The following UST variants were observed in gnomAD, a reference collection of about 807,000 sequenced individuals.
The protein encoded by UST is chondroitin sulfate 2-O-sulfotransferase.
UST carries 21 observed loss-of-function variants against 45.6 expected under a neutral mutation model. The observed-to-expected ratio is 0.46, with a 90% CI of 0.33 to 0.66. UST has a LOEUF of 0.66. Ranked by LOEUF, UST falls within the 30% of genes least tolerant of loss-of-function variation. UST has a pLI of 0.02. For synonymous variants in UST, 215 were observed against 200.6 expected, an observed-to-expected ratio of 1.07 and a Z score of -0.61; for missense variants, 463 against 512.4, an observed-to-expected ratio of 0.90 and a Z score of 0.93.
intron 1 of UST, among the ~76,000 whole-genome samples, chr6:148,758,865 C>G (rs1776147597): frequency 6.6e-6 from 1 of 152,180 alleles, no homozygotes; most frequent in South Asian, 2.1e-4. Context: ...TGTTTGGGGA[C>G]CTTAAAAACC....
At chr6:149,022,632 C>G (rs923155712) in intron 7 of UST, among the ~76,000 whole-genome samples, 13 of 152,142 alleles carry the variant, frequency 8.5e-5, no homozygotes, top group Admixed American at 6.5e-4. Context: ...AAGGAAGCAG[C>G]AGATGAAAGC....
chr6:148,877,178 T>TG (rs1582870495), intron 1 of UST, among the ~76,000 whole-genome samples: 2 of 34,562 alleles, frequency 5.8e-5, no homozygotes, highest in Non-Finnish European at 1.0e-4. Flanking sequence ...TGTATGAGTG[T>TG]GGGGGTCGTG....
chr6:148,894,508 A>G (rs529945272), intron 2 of UST, among the ~76,000 whole-genome samples: 5 of 152,316 alleles, frequency 3.3e-5, no homozygotes, highest in Middle Eastern at 3.4e-3. Flanking sequence ...GATGGCTGGC[A>G]GCCACCAACG....
At chr6:148,799,904 A>G (rs1582819831) in intron 1 of UST, among the ~76,000 whole-genome samples, 1 of 151,102 alleles carries the variant, frequency 6.6e-6, no homozygotes, top group East Asian at 1.9e-4. Flanking sequence ...TATCAGAGGA[A>G]CTCTCTCTCT....
intron 7 of UST, among the ~76,000 whole-genome samples, chr6:149,060,091 T>A (rs4313020): frequency 0.32 from 48,402 of 152,120 alleles, 8,134 homozygotes; most frequent in Non-Finnish European, 0.36. Context: ...CAAAGGAACC[T>A]AGCGGTTTCT....
At chr6:148,820,605 C>T (rs932256105) in intron 1 of UST, among the ~76,000 whole-genome samples, 27 of 152,026 alleles carry the variant, frequency 1.8e-4, no homozygotes, top group African/African-American at 6.5e-4. Context: ...GATCCCAGCA[C>T]TTTGGGAGGC....
At chr6:148,818,329 C>T (rs78446537) in intron 1 of UST, among the ~76,000 whole-genome samples, 1,929 of 152,192 alleles carry the variant, frequency 0.013, 44 homozygotes, top group African/African-American at 0.044. Flanking sequence ...TAGATTGGAC[C>T]CTCGATGTGT....
At chr6:149,007,126 T>C (rs1775729270) in intron 5 of UST, among the ~76,000 whole-genome samples, 2 of 143,990 alleles carry the variant, frequency 1.4e-5, no homozygotes, top group Non-Finnish European at 1.5e-5. Flanking sequence ...TTTTTTTTTT[T>C]TTTTTTTTTT....
Position 148,768,272 on chromosome 6 carries a change from GTCT to G in UST, c.247+20600_247+20602del, listed in dbSNP as rs1442870294. 2.6e-5 allele frequency among the ~76,000 whole-genome samples: 4 copies of G among 152,174 alleles called. No homozygotes were observed. The East Asian group carries it at 7.7e-4, about 29-fold the overall frequency. ...ACCAGTTTATGCTTGTAAGACATGG[GTCT>G]TCTTTTGGGAATTGCAGTTTTAAAT... On this transcript the variant is annotated intron_variant, in intron 1 of 7. Transcript: ENST00000367463.
intron 7 of UST, among the ~76,000 whole-genome samples, chr6:149,071,280 C>T (rs1182583441): frequency 6.6e-6 from 1 of 152,090 alleles, no homozygotes; most frequent in Non-Finnish European, 1.5e-5. Flanking sequence ...CAGAAGGTAC[C>T]TCAAATATCC....
At chr6:148,763,326 A>G (rs1039206947) in intron 1 of UST, among the ~76,000 whole-genome samples, 5 of 151,996 alleles carry the variant, frequency 3.3e-5, no homozygotes, top group East Asian at 1.9e-4. Context: ...ATGTCTGTTC[A>G]TGTCCTTTGC....
At chr6:149,047,151 C>T (rs575973898) in intron 7 of UST, among the ~76,000 whole-genome samples, 11 of 152,240 alleles carry the variant, frequency 7.2e-5, no homozygotes, top group Admixed American at 4.6e-4. Flanking sequence ...TTAATACAGA[C>T]CAAGAGTAAA....
intron 2 of UST, among the ~76,000 whole-genome samples, chr6:148,889,901 A>G (rs916499178): frequency 6.6e-6 from 1 of 150,640 alleles, no homozygotes; most frequent in Non-Finnish European, 1.5e-5. Context: ...CTGGTCTTCA[A>G]CTCCCCCATA....
chr6:149,056,160 A>G (rs1452033480), intron 7 of UST, among the ~76,000 whole-genome samples: 33 of 57,440 alleles, frequency 5.7e-4, no homozygotes, highest in Non-Finnish European at 8.2e-4. Flanking sequence ...GGGTCTCGCT[A>G]TGTCGCTGCA....
intron 5 of UST, among the ~76,000 whole-genome samples, chr6:148,990,689 G>A (rs1781332071): frequency 6.6e-6 from 1 of 152,148 alleles, no homozygotes; most frequent in African/African-American, 2.4e-5. Context: ...AGTGCAAAGA[G>A]GCTCGGCATT....
intron 7 of UST, among the ~76,000 whole-genome samples, chr6:149,067,370 A>G (rs1304652634): frequency 1.3e-5 from 2 of 152,210 alleles, no homozygotes; most frequent in African/African-American, 2.4e-5. Context: ...CTGGTCTCCA[A>G]TGGCCTTCAA....
chr6:148,953,326 A>G (rs980101990), intron 3 of UST, among the ~76,000 whole-genome samples: 3 of 152,212 alleles, frequency 2.0e-5, no homozygotes, highest in African/African-American at 7.2e-5. Flanking sequence ...TCCAGTCAAA[A>G]TTACTTAATC....
chr6:149,070,934 A>G (rs961778838), intron 7 of UST, among the ~76,000 whole-genome samples: 12 of 151,966 alleles, frequency 7.9e-5, no homozygotes, highest in African/African-American at 2.9e-4. Flanking sequence ...CGCCCAGCTA[A>G]TTTGTGTATT....
At chr6:148,938,504 A>G (rs1342128463) in intron 2 of UST, among the ~76,000 whole-genome samples, 1 of 152,224 alleles carries the variant, frequency 6.6e-6, no homozygotes, top group African/African-American at 2.4e-5. Flanking sequence ...AAATTAACCT[A>G]TAATTGCAAA....
Sources: allele counts gnomAD v4.1 joint callset (sites outside exome capture counted in the v4.1 genomes callset), GRCh38; gene constraint gnomAD v4.1.1; transcripts MANE v1.5; gene names NCBI Gene and HGNC (gene_info 2026-07-23, HGNC 2026-07-21).